The following SFMBT2 variants were observed in gnomAD, a reference collection of about 807,000 sequenced individuals.
SFMBT2 encodes the protein Scm like with four mbt domains 2.
A neutral mutation model predicts 110.1 loss-of-function variants in SFMBT2; 38 were observed. The observed-to-expected ratio is 0.35, with a 90% confidence interval of 0.27 to 0.45. The LOEUF is 0.45. Among genes scored for constraint, SFMBT2 ranks in the 20% least tolerant of loss-of-function variants. The pLI is 1.00. For missense variants in SFMBT2, 1,011 were observed against 1,094.9 expected (o/e 0.92, Z 1.08); for synonymous variants, 425 against 425.4 (o/e 1.00, Z 0.01).
chr10:7,273,399 T>A (rs10905147), intron 7 of SFMBT2, among the ~76,000 whole-genome samples: 1 of 152,000 alleles, frequency 6.6e-6, no homozygotes, highest in African/African-American at 2.4e-5. Context: ...AACAGTGAAC[T>A]TCAGCCTGCT....
At chr10:7,342,619 G>C (rs180728460) in intron 4 of SFMBT2, among the ~76,000 whole-genome samples, 44 of 151,816 alleles carry the variant, frequency 2.9e-4, no homozygotes, top group Middle Eastern at 3.4e-3. Flanking sequence ...CCATGGTCTC[G>C]ATCTCCTGAC....
chr10:7,197,435 G>C (rs1403632855), intron 15 of SFMBT2, 113 bp downstream of exon 15: 15 of 1,426,600 alleles, frequency 1.1e-5, no homozygotes, highest in Non-Finnish European at 1.3e-5. Context: ...GGAGGTCTCG[G>C]TAAATGCCAG....
chr10:7,285,767 C>T (rs1055178683), intron 5 of SFMBT2, 99 bp downstream of exon 5: 7 of 730,818 alleles, frequency 9.6e-6, no homozygotes, highest in Admixed American at 5.6e-5. Context: ...GCAGAAAGCA[C>T]GCATCTGCTG....
chr10:7,225,912 GA>G (rs139659961), intron 10 of SFMBT2, among the ~76,000 whole-genome samples: 5,046 of 152,258 alleles, frequency 0.033, 238 homozygotes, highest in African/African-American at 0.11. Context: ...CAAGCCAGCA[GA>G]TTCTGTGACT....
At chr10:7,324,275 T>C (rs1843301684) in intron 4 of SFMBT2, among the ~76,000 whole-genome samples, 1 of 152,218 alleles carries the variant, frequency 6.6e-6, no homozygotes, top group Admixed American at 6.5e-5. Context: ...CTAGTATGTT[T>C]GTGGGAAACC....
In SFMBT2 at chr10:7,172,167, G is replaced by A. The variant is rs751248207; in HGVS notation, c.2152-9C>T. The A allele has an allele frequency of 3.3e-6, 5 of 1,537,152 alleles. No homozygotes were observed. In the African/African-American group the frequency reaches 5.6e-5, roughly 17 times the overall value. ...TCCTCCTCTTCACTTTCCTGGGAAGGAGGAAAAGGCATTTAAGGGGCTGGT... is the reference window on the plus strand; with the variant it reads ...TCCTCCTCTTCACTTTCCTGGGAAGAAGGAAAAGGCATTTAAGGGGCTGGT... On this transcript the variant is annotated splice_polypyrimidine_tract_variant and intron_variant, in intron 18 of 20. Coordinates refer to ENST00000397167, the MANE Select transcript of SFMBT2 (RefSeq NM_001387889.1). The surrounding 1 kb of genome is among the most constrained non-coding windows in gnomAD (Gnocchi z 4.6).
At chr10:7,262,555 G>A (rs1248682689) in intron 7 of SFMBT2, among the ~76,000 whole-genome samples, 1 of 152,136 alleles carries the variant, frequency 6.6e-6, no homozygotes, top group Non-Finnish European at 1.5e-5. Context: ...AATTATCCGC[G>A]GTAAGCAGAA....
intron 15 of SFMBT2, among the ~76,000 whole-genome samples, chr10:7,195,440 T>A (rs770225387): frequency 8.5e-5 from 13 of 152,328 alleles, no homozygotes; most frequent in Non-Finnish European, 1.3e-4. Flanking sequence ...CTTAGTGAGA[T>A]GCGTACTGTT....
chr10:7,202,539 A>C lies in SFMBT2; in HGVS notation c.1445-17T>G. 6.2e-7 allele frequency: 1 copy of C among 1,614,156 alleles called. No homozygotes were observed. The highest frequency in any genetic ancestry group is 8.5e-7 in the Non-Finnish European group (1 of 1,180,024). On this transcript the variant is annotated splice_polypyrimidine_tract_variant and intron_variant, in intron 12 of 20. Transcript: ENST00000397167. ...TCTTTTGTGCTGTAGAAAAGGCAAA[A>C]CGGAAAAAGAAAATCAGCTTTGTTA...
chr10:7,257,123 G>GAAAGA lies in SFMBT2; in HGVS notation c.871-8479_871-8475dup, dbSNP rs1554794289. On this transcript the variant is annotated intron_variant, in intron 7 of 20. Coordinates refer to ENST00000397167, the MANE Select transcript of SFMBT2 (RefSeq NM_001387889.1). ...AAGGGGAGGGGAGGGGAGGGGAGGG[G>GAAAGA]AAAGAAAAGAAAAGAAAAAACTGTA... is the stretch of plus-strand genomic sequence containing the variant. Among the ~76,000 whole-genome samples the GAAAGA allele has an allele frequency of 8.3e-3, 1,064 of 127,802 alleles. 45 individuals are homozygous for GAAAGA. Among genetic ancestry groups the GAAAGA allele is most frequent in the Non-Finnish European group, 0.014 (797 of 55,936 alleles). 83.8% of individuals were successfully genotyped at this position (127,802 alleles called of 152,430 possible). A position where few individuals can be genotyped will look rare whatever the true frequency, so the allele number is the denominator to read the frequency against.
rs1333293541 is a variant in SFMBT2 at position 7,162,042 on chromosome 10, CG to C, written c.*1727del. On this transcript the variant is annotated 3_prime_UTR_variant, in exon 21 of 21. Transcript: ENST00000397167. ...GAAGGCATCTTGGCAGCCACCACAGCGGAACACTGTAGTCCACAGGGTCTGA... is the reference window on the plus strand; with the variant it reads ...GAAGGCATCTTGGCAGCCACCACAGCGAACACTGTAGTCCACAGGGTCTGA... 1 of 152,154 alleles carries C rather than the reference CG, an allele frequency of 6.6e-6. No individual in the cohort carries two copies. Among genetic ancestry groups the C allele is most frequent in the Non-Finnish European group, 1.5e-5 (1 of 68,086 alleles). The allele number at this position is 152,154 out of a possible 1,614,324, so 9.4% of individuals were successfully genotyped here.
chr10:7,392,243 G>A lies in SFMBT2; in HGVS notation c.-51-10294C>T, dbSNP rs1051011437. ...AAAAAATAGTATCCTGCCTGGGTGCGGTGGCTCACGCCTGTAATCCCAACA... is the reference window on the plus strand; with the variant it reads ...AAAAAATAGTATCCTGCCTGGGTGCAGTGGCTCACGCCTGTAATCCCAACA... On this transcript the variant is annotated intron_variant, in intron 1 of 20. Coordinates refer to ENST00000397167, the MANE Select transcript of SFMBT2 (RefSeq NM_001387889.1). 3.9e-5 allele frequency among the ~76,000 whole-genome samples: 6 copies of A among 151,988 alleles called. No homozygotes were observed. In the East Asian group the frequency reaches 5.8e-4, roughly 15 times the overall value.
intron 8 of SFMBT2, chr10:7,246,163 T>A (rs1840602558): frequency 1.0e-6 from 1 of 984,942 alleles, no homozygotes; most frequent in African/African-American, 1.7e-5. Context: ...CGAAACGGCA[T>A]GACTTATTTT....
intron 20 of SFMBT2, among the ~76,000 whole-genome samples, chr10:7,165,573 A>G (rs1315543849): frequency 2.0e-5 from 3 of 152,244 alleles, no homozygotes; most frequent in Admixed American, 6.5e-5. Context: ...ATTAACTTTA[A>G]AAGTATCAAT....
At chr10:7,339,197 G>C (rs868120260) in intron 4 of SFMBT2, among the ~76,000 whole-genome samples, 3 of 152,104 alleles carry the variant, frequency 2.0e-5, no homozygotes, top group Non-Finnish European at 2.9e-5. Flanking sequence ...CAGAGATCAC[G>C]CCACTGCACT....
Position 7,408,893 on chromosome 10 carries a change from GC to G in SFMBT2, c.-52+1967del, listed in dbSNP as rs939995457. On this transcript the variant is annotated intron_variant, in intron 1 of 20. Transcript: ENST00000397167. The surrounding 1 kb of genome is among the most constrained non-coding windows in gnomAD (Gnocchi z 5.7). ...CGGCGACTGCCCGGCCTCCATGCCC[GC>G]CAAGACAAGAAGATGCCCCTCTCCG... is the stretch of plus-strand genomic sequence containing the variant. The G allele has an allele frequency of 3.9e-5, 6 of 152,394 alleles. No homozygotes were observed. Among genetic ancestry groups the G allele is most frequent in the African/African-American group, 1.4e-4 (6 of 41,410 alleles). The allele number at this position is 152,394 out of a possible 1,614,324, so 9.4% of individuals were successfully genotyped here.
intron 4 of SFMBT2, among the ~76,000 whole-genome samples, chr10:7,315,036 AAGAG>A (rs879920055): frequency 2.5e-5 from 2 of 79,412 alleles, no homozygotes; most frequent in Non-Finnish European, 5.2e-5. Context: ...GAAAGAAAGA[AAGAG>A]AAAGAAAGAA....
At chr10:7,332,734 A>C (rs1343218431) in intron 4 of SFMBT2, among the ~76,000 whole-genome samples, 1 of 152,234 alleles carries the variant, frequency 6.6e-6, no homozygotes, top group Non-Finnish European at 1.5e-5. Flanking sequence ...GAACAAACAC[A>C]CAAATAGAGA....
chr10:7,335,840 T>A (rs1011770978), intron 4 of SFMBT2, among the ~76,000 whole-genome samples: 6 of 152,236 alleles, frequency 3.9e-5, no homozygotes, highest in African/African-American at 1.4e-4. Flanking sequence ...GTTCTCACAA[T>A]GGCCTTCTAA....
Sources: gnomAD v4.1 joint callset for allele counts (sites outside exome capture counted in the v4.1 genomes callset) on GRCh38, gnomAD v4.1.1 for gene constraint, Gnocchi (gnomAD v3.1) non-coding constraint, MANE v1.5 for transcripts, NCBI Gene and HGNC (gene_info 2026-07-23, HGNC 2026-07-21) for gene names.